PTK2B: variants seen among roughly 807,000 people sequenced by gnomAD.
PTK2B encodes protein-tyrosine kinase 2-beta.
A neutral mutation model predicts 142.9 loss-of-function variants in PTK2B; 71 were observed. The observed-to-expected ratio is 0.50, with a 90% confidence interval of 0.41 to 0.61. The LOEUF (loss-of-function observed/expected upper bound fraction) is 0.61, where lower values mean the gene tolerates loss of function less well. Among genes scored for constraint, PTK2B ranks in the 20% least tolerant of loss-of-function variants. PTK2B has a pLI of 0.00. For synonymous variants in PTK2B, 519 were observed against 503.4 expected, an observed-to-expected ratio of 1.03 and a Z score of -0.42; for missense variants, 1,105 against 1,320.4, an observed-to-expected ratio of 0.84 and a Z score of 2.53.
At chr8:27,399,069 T>C (rs1312730081) in intron 2 of PTK2B, among the ~76,000 whole-genome samples, 1 of 152,246 alleles carries the variant, frequency 6.6e-6, no homozygotes, top group East Asian at 1.9e-4. Flanking sequence ...TTCCTCTCTC[T>C]TTATCCACTT....
intron 9 of PTK2B, among the ~76,000 whole-genome samples, chr8:27,431,894 G>A (rs1470103412): frequency 6.6e-6 from 1 of 152,152 alleles, no homozygotes; most frequent in Admixed American, 6.5e-5. Context: ...CATAGGGAGG[G>A]GCTTGGTCTA....
chr8:27,422,438 C>T (rs1809819601), intron 5 of PTK2B, 55 bp downstream of exon 5: 2 of 1,419,624 alleles, frequency 1.4e-6, no homozygotes, highest in African/African-American at 2.9e-5. Context: ...TCTGGGCAGG[C>T]CCGACCTTTC....
At chr8:27,449,494 T>A (rs1448688175) in intron 24 of PTK2B, among the ~76,000 whole-genome samples, 1 of 152,174 alleles carries the variant, frequency 6.6e-6, no homozygotes, top group East Asian at 1.9e-4. Flanking sequence ...TTGCTAAAAG[T>A]AGATAGAGAT....
intron 1 of PTK2B, among the ~76,000 whole-genome samples, chr8:27,376,864 G>T (rs1806703428): frequency 6.6e-6 from 1 of 152,228 alleles, no homozygotes. Flanking sequence ...CAAGACTGCT[G>T]TGTCTATGGA....
At chr8:27,448,173 T>C (rs937503075) in intron 24 of PTK2B, among the ~76,000 whole-genome samples, 4 of 152,130 alleles carry the variant, frequency 2.6e-5, no homozygotes, top group Non-Finnish European at 4.4e-5. Context: ...GGGGCTTCAG[T>C]AGGAGGCAAG....
rs1464637402 is a variant in PTK2B, at chr8:27,371,314, A to G, written c.-37-26234A>G. ...AGAGGGCATTCTTGCCGGCTGAGAG[A>G]GTTGTGTTGTGAATGCCAAGGTCGG... On this transcript the variant is annotated intron_variant, in intron 1 of 30. Coordinates refer to ENST00000346049, the MANE Select transcript of PTK2B (RefSeq NM_173176.3). Among the ~76,000 whole-genome samples the G allele has an allele frequency of 2.6e-5, 4 of 152,030 alleles. No homozygotes were observed. In the East Asian group the frequency reaches 7.7e-4, roughly 29 times the overall value.
In PTK2B at chr8:27,458,296, C is replaced by A. The variant is rs530386451; in HGVS notation, c.2817C>A (p.Ile939=). Residue 939 remains isoleucine (I), a splice_region_variant and synonymous_variant, in exon 31 of 31, where the codon ATC becomes ATA. Coordinates refer to ENST00000346049, the MANE Select transcript of PTK2B (RefSeq NM_173176.3). ...TGTCCTGTGTGATCTTCCTACAGAT[C>A]GAGGGCACCCAGAAACTGCTCAACA... is the stretch of plus-strand genomic sequence containing the variant. ...PSLPSSSRTE[I]EGTQKLLNKD... 8 of 1,613,592 alleles carry A rather than the reference C, an allele frequency of 5.0e-6. No homozygotes were observed. Among genetic ancestry groups the A allele is most frequent in the Middle Eastern group, 1.6e-4 (1 of 6,076 alleles).
At chr8:27,456,640 CA>C (rs1812158519) in intron 30 of PTK2B, among the ~76,000 whole-genome samples, 1 of 152,186 alleles carries the variant, frequency 6.6e-6, no homozygotes, top group Admixed American at 6.5e-5. Context: ...CACTTTAAAT[CA>C]AAAGCTAGAA....
chr8:27,430,319 G>C (rs755951058), intron 6 of PTK2B, 45 bp from the exon 7 acceptor site: 2 of 1,612,974 alleles, frequency 1.2e-6, no homozygotes, highest in Admixed American at 3.3e-5. Flanking sequence ...TCCTGTGGTG[G>C]GGGTGAGGGG....
chr8:27,341,539 G>A (rs540599757), intron 1 of PTK2B, among the ~76,000 whole-genome samples: 19 of 152,250 alleles, frequency 1.2e-4, no homozygotes, highest in Non-Finnish European at 2.1e-4. Context: ...CCCAGGATGC[G>A]GCCACTTCAG....
chr8:27,416,161 T>A (rs1378651988), intron 2 of PTK2B, among the ~76,000 whole-genome samples: 1 of 152,238 alleles, frequency 6.6e-6, no homozygotes. Flanking sequence ...CAGCAGACTT[T>A]TTAAAAAGAA....
At chr8:27,327,772 A>G (rs1356749184) in intron 1 of PTK2B, among the ~76,000 whole-genome samples, 3 of 152,256 alleles carry the variant, frequency 2.0e-5, no homozygotes, top group African/African-American at 7.2e-5. Context: ...AAATCCATGT[A>G]GACCGGTGAG....
intron 29 of PTK2B, 73 bp from the exon 30 acceptor site, chr8:27,454,458 G>T (rs1234129894): frequency 7.6e-6 from 12 of 1,573,850 alleles, no homozygotes; most frequent in Admixed American, 1.7e-5. Context: ...CCCCAGGAGA[G>T]CTCTTCCCAG....
chr8:27,328,046 C>T (rs762607932), intron 1 of PTK2B, among the ~76,000 whole-genome samples: 4 of 152,162 alleles, frequency 2.6e-5, no homozygotes, highest in Non-Finnish European at 5.9e-5. Context: ...AGTGAGAACT[C>T]GTGGGGTTAG....
At chr8:27,311,142 C>T (rs1802943832), upstream of PTK2B, 2 of 1,604,930 alleles carry the variant, frequency 1.2e-6, no homozygotes, top group African/African-American at 2.7e-5. Context: ...CGCAGAGTGA[C>T]TGCGTCGCGG....
intron 2 of PTK2B, among the ~76,000 whole-genome samples, chr8:27,419,579 T>TCCCACCCTAGAGAATCCCACTTTTCAG (rs1809615772): frequency 6.6e-6 from 1 of 152,218 alleles, no homozygotes; most frequent in Admixed American, 6.5e-5. Flanking sequence ...ACATAGTGGA[T>TCCCACCCTAGAGAATCCCACTTTTCAG]GTTCCGTAAT....
chr8:27,409,525 T>TG (rs1326095181), intron 2 of PTK2B, among the ~76,000 whole-genome samples: 1 of 151,996 alleles, frequency 6.6e-6, no homozygotes, highest in East Asian at 1.9e-4. Flanking sequence ...GAGCACATTG[T>TG]GGGTACAGAG....
chr8:27,316,192 A>G (rs1472681034), intron 3 of PTK2B, among the ~76,000 whole-genome samples: 2 of 152,174 alleles, frequency 1.3e-5, no homozygotes, highest in African/African-American at 4.8e-5. Context: ...CAGATTTCCA[A>G]ACCCCTTGCC....
upstream of PTK2B, chr8:27,311,038 G>C (rs1199350420): frequency 6.2e-7 from 1 of 1,602,532 alleles, no homozygotes; most frequent in Admixed American, 1.7e-5. Context: ...GCAGGTCGGC[G>C]GGTGACGCGC....
Sources: allele counts gnomAD v4.1 joint callset (sites outside exome capture counted in the v4.1 genomes callset), GRCh38; gene constraint gnomAD v4.1.1; transcripts MANE v1.5; gene names NCBI Gene and HGNC (gene_info 2026-07-23, HGNC 2026-07-21).